The following ARID2 variants were observed in gnomAD, a reference collection of about 807,000 sequenced individuals.
ARID2 encodes the protein AT-rich interactive domain-containing protein 2.
A neutral mutation model predicts 184.6 loss-of-function variants in ARID2; 32 were observed. The observed-to-expected ratio is 0.17, with a 90% CI of 0.13 to 0.23. The LOEUF (loss-of-function observed/expected upper bound fraction) is 0.23. Among genes scored for constraint, ARID2 ranks in the 10% least tolerant of loss-of-function variants. The probability of loss-of-function intolerance (pLI) is 1.00; values close to 1 mark genes in which losing one functional copy is unlikely to be tolerated. For synonymous variants in ARID2, 836 were observed against 772.6 expected (o/e 1.08, Z -1.36); for missense variants, 1,696 against 2,197.6 (o/e 0.77, Z 4.56).
rs763563735 is a variant in ARID2, at chr12:45,850,493, A to G, written c.2370A>G (p.Thr790=). ...AGATCCCTTCAGGCACTCCTGTTACAGTAATTCAACAAGCTGTCCCACAGA... is the reference window on the plus strand; with the variant it reads ...AGATCCCTTCAGGCACTCCTGTTACGGTAATTCAACAAGCTGTCCCACAGA... The part of the protein sequence containing the change: ...PGQIPSGTPV[T]VIQQAVPQSH... The change falls in exon 15 of 21, where the codon ACA becomes ACG. Residue 790 remains threonine (T), a synonymous_variant. Transcript: ENST00000334344. 35 of 1,614,066 alleles carry G rather than the reference A, an allele frequency of 2.2e-5. No individual in the cohort carries two copies. The highest frequency in any genetic ancestry group is 3.0e-5 in the Non-Finnish European group (35 of 1,179,974).
chr12:45,731,325 G>T lies in ARID2; in HGVS notation c.284+11G>T. ...ACAGTATTACTTGCGGTGAGTAGTA[G>T]TGACTTTTCCATAGTATTTGGAAAT... On this transcript the variant is annotated intron_variant, in intron 3 of 20. Coordinates refer to ENST00000334344, the MANE Select transcript of ARID2 (RefSeq NM_152641.4). 1.3e-6 allele frequency: 2 copies of T among 1,595,870 alleles called. No individual in the cohort carries two copies. Among genetic ancestry groups the T allele is most frequent in the South Asian group, 2.2e-5 (2 of 90,718 alleles).
Position 45,839,719 on chromosome 12 carries a change from C to T in ARID2, c.1498+223C>T, listed in dbSNP as rs1013090580. On this transcript the variant is annotated intron_variant, in intron 11 of 20. Transcript: ENST00000334344. ...AATAGTATAATAGGAAAATTAAGTT[C>T]GGCAGGATTTAGAGTAATGTGATGA... 4.4e-4 allele frequency: 179 copies of T among 407,212 alleles called. 1 individual carries two copies. Among genetic ancestry groups the T allele is most frequent in the East Asian group, 2.0e-3 (52 of 26,202 alleles). 25.2% of individuals were successfully genotyped at this position (407,212 alleles called of 1,614,324 possible). A position where few individuals can be genotyped will look rare whatever the true frequency, so the allele number is the denominator to read the frequency against.
intron 20 of ARID2, among the ~76,000 whole-genome samples, chr12:45,902,089 G>A (rs1416074390): frequency 6.6e-6 from 1 of 152,138 alleles, no homozygotes; most frequent in Admixed American, 6.5e-5. Context: ...TTTTACTAGT[G>A]TTGCTTAGAA....
At chr12:45,783,849 C>T (rs892273082) in intron 3 of ARID2, among the ~76,000 whole-genome samples, 5 of 149,692 alleles carry the variant, frequency 3.3e-5, no homozygotes, top group Admixed American at 6.8e-5. Flanking sequence ...TCTGTTTTAG[C>T]AACACTAAAC....
intron 16 of ARID2, chr12:45,882,367 G>A (rs776227333): frequency 5.3e-5 from 8 of 152,256 alleles, no homozygotes; most frequent in Admixed American, 3.3e-4. Context: ...GCTAAAGTAC[G>A]AATAATGCTT....
intron 15 of ARID2, among the ~76,000 whole-genome samples, chr12:45,853,290 GT>G (rs1335738979): frequency 6.6e-6 from 1 of 152,056 alleles, no homozygotes; most frequent in African/African-American, 2.4e-5. Context: ...ACCTGAGTGT[GT>G]TTTTGTTGCC....
At position 45,882,705 on chromosome 12, in the gene ARID2, T is replaced by C. The variant is rs570046279; in HGVS notation, c.4923-9075T>C. On this transcript the variant is annotated intron_variant, in intron 16 of 20. Transcript: ENST00000334344. ...AGGTTGAAATTAATCAGTAGTTAGA[T>C]TGATCAATAGCTTGACTTAAATGTC... Among the ~76,000 whole-genome samples the C allele has an allele frequency of 2.6e-5, 4 of 152,352 alleles. No individual in the cohort carries two copies. The South Asian group carries it at 8.3e-4, about 32-fold the overall frequency.
chr12:45,746,789 C>T (rs142147850), intron 3 of ARID2, among the ~76,000 whole-genome samples: 2,962 of 151,800 alleles, frequency 0.02, 97 homozygotes, highest in African/African-American at 0.068. Flanking sequence ...TTTTTTGAGA[C>T]GGAGTCTCGC....
intron 3 of ARID2, among the ~76,000 whole-genome samples, chr12:45,751,036 A>G (rs887842973): frequency 6.6e-6 from 1 of 152,198 alleles, no homozygotes; most frequent in Non-Finnish European, 1.5e-5. Context: ...TGCACTGGAC[A>G]TATATCAATG....
intron 16 of ARID2, among the ~76,000 whole-genome samples, chr12:45,879,529 T>C (rs1944066736): frequency 6.6e-6 from 1 of 152,216 alleles, no homozygotes; most frequent in Non-Finnish European, 1.5e-5. Flanking sequence ...GTTTAAGGGT[T>C]CCTGCAAGTT....
Position 45,748,989 on chromosome 12 carries a change from C to T in ARID2, c.284+17675C>T, listed in dbSNP as rs140332272. On this transcript the variant is annotated intron_variant, in intron 3 of 20. Transcript: ENST00000334344. ...TATCTACGAGGATTGGAAACAATGT[C>T]TTCAAAACTGTTAATGTTCATATTT... Among the ~76,000 whole-genome samples, 114 of 152,292 alleles carry T rather than the reference C, an allele frequency of 7.5e-4. 1 individual carries two copies. The highest frequency in any genetic ancestry group is 2.0e-3 in the African/African-American group (83 of 41,576).
At chr12:45,864,430 A>G (rs1458431342) in intron 16 of ARID2, among the ~76,000 whole-genome samples, 1 of 151,954 alleles carries the variant, frequency 6.6e-6, no homozygotes, top group African/African-American at 2.4e-5. Context: ...AGGTTCAAAC[A>G]TTGCCTCTGG....
intron 3 of ARID2, among the ~76,000 whole-genome samples, chr12:45,739,763 T>A (rs1223472582): frequency 1.3e-5 from 2 of 152,210 alleles, no homozygotes; most frequent in Non-Finnish European, 2.9e-5. Context: ...CAGCGATTAA[T>A]TTTAAATAAA....
chr12:45,848,914 C>G lies in ARID2; in HGVS notation c.1659C>G (p.Cys553Trp), dbSNP rs2138154460. 4 of 1,612,458 alleles carry G rather than the reference C, an allele frequency of 2.5e-6. No homozygotes were observed. Among genetic ancestry groups the G allele is most frequent in the Non-Finnish European group, 3.4e-6 (4 of 1,178,970 alleles). ...TGTATTCTGAATACCTCTCGACTTG[C>G]AGTAAATTAGCTCGTGGTGGAATCC... ...AEMYSEYLST[C>W]SKLARGGILT... The change falls in exon 13 of 21, where the codon TGC (cysteine) becomes TGG (tryptophan). Residue 553 changes from cysteine to tryptophan, a missense_variant. Coordinates refer to ENST00000334344, the MANE Select transcript of ARID2 (RefSeq NM_152641.4).
intron 16 of ARID2, among the ~76,000 whole-genome samples, chr12:45,867,210 A>G (rs879467797): frequency 6.6e-6 from 1 of 151,682 alleles, no homozygotes; most frequent in Non-Finnish European, 1.5e-5. Flanking sequence ...TGGCCTCCCA[A>G]AGTGCTGGGA....
intron 3 of ARID2, among the ~76,000 whole-genome samples, chr12:45,759,260 GAAT>G: frequency 1.3e-5 from 2 of 152,268 alleles, no homozygotes; most frequent in Middle Eastern, 3.4e-3. Context: ...CAGGATGTCT[GAAT>G]GTATATTGAG....
intron 3 of ARID2, among the ~76,000 whole-genome samples, chr12:45,759,933 TTATTTGATAG>T (rs1314848905): frequency 1.3e-5 from 2 of 152,198 alleles, no homozygotes; most frequent in Non-Finnish European, 2.9e-5. Flanking sequence ...GTATATGATA[TTATTTGATAG>T]TATCTTAAGT....
intron 15 of ARID2, among the ~76,000 whole-genome samples, chr12:45,854,113 A>G (rs555056907): frequency 1.6e-4 from 24 of 152,236 alleles, no homozygotes; most frequent in African/African-American, 5.3e-4. Context: ...CATGCGAAGG[A>G]TCTAGGTTGC....
intron 3 of ARID2, among the ~76,000 whole-genome samples, chr12:45,737,728 A>G (rs1009603648): frequency 2.6e-5 from 4 of 152,152 alleles, no homozygotes; most frequent in Non-Finnish European, 4.4e-5. Context: ...CAGTTGATCT[A>G]AGTATTGTAA....
Sources: gnomAD v4.1 joint callset for allele counts (sites outside exome capture counted in the v4.1 genomes callset) on GRCh38, gnomAD v4.1.1 for gene constraint, MANE v1.5 for transcripts, NCBI Gene and HGNC (gene_info 2026-07-23, HGNC 2026-07-21) for gene names.